The following MKLN1 variants were observed in gnomAD, a reference collection of about 807,000 sequenced individuals.
The protein encoded by MKLN1 is muskelin 1.
MKLN1 carries 18 observed loss-of-function variants against 99.0 expected under a neutral mutation model. The observed-to-expected ratio is 0.18, with a 90% CI of 0.13 to 0.27. MKLN1 has a LOEUF of 0.27. Among genes scored for constraint, MKLN1 ranks in the 10% least tolerant of loss-of-function variants. MKLN1 has a pLI of 1.00. For missense variants in MKLN1, 621 were observed against 875.9 expected (o/e 0.71, Z 3.67); for synonymous variants, 288 against 293.2 (o/e 0.98, Z 0.18).
chr7:131,474,298 T>C (rs1796907052), intron 16 of MKLN1, among the ~76,000 whole-genome samples: 5 of 152,204 alleles, frequency 3.3e-5, no homozygotes, highest in Admixed American at 3.3e-4. Flanking sequence ...ACTGGAAGGA[T>C]GGAGTTACTA....
intron 2 of MKLN1, among the ~76,000 whole-genome samples, chr7:131,183,528 A>C (rs992342074): frequency 2.6e-5 from 4 of 152,122 alleles, no homozygotes; most frequent in African/African-American, 9.7e-5. Context: ...AGATGAGAGA[A>C]TGCAAGTTTT....
In MKLN1 at chr7:131,487,761, A is replaced by G. The variant is rs758089366; in HGVS notation, c.*33A>G. 2 of 1,603,518 alleles carry G rather than the reference A, an allele frequency of 1.2e-6. No individual in the cohort carries two copies. The highest frequency in any genetic ancestry group is 3.4e-5 in the Admixed American group (2 of 58,092). Reference sequence around the variant, plus strand: ...GTCACTGGACACAGAAATGGAAAACAGGAGTCGATTTTCCGTCTTTTGGAT... The same window carrying G: ...GTCACTGGACACAGAAATGGAAAACGGGAGTCGATTTTCCGTCTTTTGGAT... On this transcript the variant is annotated 3_prime_UTR_variant, in exon 18 of 18. Coordinates refer to ENST00000352689, the MANE Select transcript of MKLN1 (RefSeq NM_013255.5). This position sits in a 1 kb window ranked among gnomAD's most constrained non-coding sequence, Gnocchi z 4.7.
At chr7:131,183,354 G>C (rs79157301) in intron 2 of MKLN1, among the ~76,000 whole-genome samples, 1 of 152,070 alleles carries the variant, frequency 6.6e-6, no homozygotes, top group Non-Finnish European at 1.5e-5. Context: ...TCAGCTTGAC[G>C]GGGGTGGGGA....
chr7:131,413,594 C>G (rs1450129638), intron 7 of MKLN1, among the ~76,000 whole-genome samples: 1 of 151,836 alleles, frequency 6.6e-6, no homozygotes, highest in Admixed American at 6.6e-5. Flanking sequence ...AGCCGGAGTG[C>G]AGTGGTGCAA....
chr7:131,291,101 T>TTTTATTTAA (rs1554547694), intron 3 of MKLN1, among the ~76,000 whole-genome samples: 2 of 134,842 alleles, frequency 1.5e-5, no homozygotes, highest in East Asian at 2.2e-4. Flanking sequence ...TCTCATTTTA[T>TTTTATTTAA]TTTATTTATT....
rs561065726 is a variant in MKLN1 at position 131,431,157 on chromosome 7, G to A, written c.960+2012G>A. Among the ~76,000 whole-genome samples the A allele has an allele frequency of 3.2e-3, 487 of 152,066 alleles. 4 individuals are homozygous for A. Among genetic ancestry groups the A allele is most frequent in the African/African-American group, 0.011 (451 of 41,462 alleles). ...GAATCCCTTGAACCCAGGAGGCGGAGGTTGCAGTGAGCCGAGATGGCACCA... is the reference window on the plus strand; with the variant it reads ...GAATCCCTTGAACCCAGGAGGCGGAAGTTGCAGTGAGCCGAGATGGCACCA... On this transcript the variant is annotated intron_variant, in intron 9 of 17. Coordinates refer to ENST00000352689, the MANE Select transcript of MKLN1 (RefSeq NM_013255.5).
At chr7:131,195,655 T>C (rs1796632273) in intron 2 of MKLN1, among the ~76,000 whole-genome samples, 1 of 152,024 alleles carries the variant, frequency 6.6e-6, no homozygotes, top group African/African-American at 2.4e-5. Context: ...TTTGGGAGAC[T>C]GTTAATAGTA....
chr7:131,389,113 A>G, intron 4 of MKLN1, 141 bp downstream of exon 4: 1 of 545,578 alleles, frequency 1.8e-6, no homozygotes, highest in Non-Finnish European at 3.2e-6. Context: ...GTTTGTTTAC[A>G]TATTGTCTGT....
Position 131,179,267 on chromosome 7 carries a change from C to A in MKLN1, c.-296-23590C>A, listed in dbSNP as rs143733427. 9.2e-3 allele frequency among the ~76,000 whole-genome samples: 1,396 copies of A among 152,322 alleles called. 16 individuals are homozygous for A. Among genetic ancestry groups the A allele is most frequent in the Middle Eastern group, 0.024 (7 of 294 alleles). ...ATAGACTGCAACAAATATCTCACTA[C>A]TCCCTTAAGCAGGGCTGGAAATGAG... On this transcript the variant is annotated intron_variant, in intron 2 of 7. Coordinates refer to the MKLN1 transcript ENST00000416992.
intron 2 of MKLN1, among the ~76,000 whole-genome samples, chr7:131,187,581 T>C (rs368706208): frequency 6.6e-6 from 1 of 152,218 alleles, no homozygotes; most frequent in South Asian, 2.1e-4. Flanking sequence ...TGACAGAGAC[T>C]ATACAGCCTG....
At chr7:131,380,721 T>C (rs1387856586) in intron 2 of MKLN1, among the ~76,000 whole-genome samples, 2 of 152,238 alleles carry the variant, frequency 1.3e-5, no homozygotes, top group African/African-American at 4.8e-5. Flanking sequence ...TATTTAGTTT[T>C]GAATAAGGAG....
At position 131,444,741 on chromosome 7, in the gene MKLN1, GT is replaced by G. The variant is rs1795947841; in HGVS notation, c.1396-1032del. ...TTGAGTAGTAGTAGTAGTAGTAGTA[GT>G]AGTAGTAGTAGTAGTAGAAGAAGTA... On this transcript the variant is annotated intron_variant, in intron 11 of 17. Transcript: ENST00000352689. Among the ~76,000 whole-genome samples, 8 of 128,824 alleles carry G rather than the reference GT, an allele frequency of 6.2e-5. No homozygotes were observed. In the East Asian group the frequency reaches 6.9e-4, roughly 11 times the overall value. The allele number at this position is 128,824 out of a possible 152,430, so 84.5% of individuals were successfully genotyped here. A position where few individuals can be genotyped will look rare whatever the true frequency, so the allele number is the denominator to read the frequency against.
chr7:131,470,652 T>G (rs1432975607), intron 15 of MKLN1, among the ~76,000 whole-genome samples, 190 bp from the exon 16 acceptor site: 1 of 152,220 alleles, frequency 6.6e-6, no homozygotes, highest in Non-Finnish European at 1.5e-5. Flanking sequence ...ACCATTACAT[T>G]TCCAAGAACT....
rs763406117 is a variant in MKLN1 at position 131,464,328 on chromosome 7, G to C, written c.1708G>C (p.Asp570His). The change falls in exon 14 of 18, where the codon GAT (aspartate) becomes CAT (histidine). Residue 570 changes from aspartate (D) to histidine (H), a missense_variant. Asp to His is a moderately conservative substitution (Grantham distance 81). This residue lies in a region of MKLN1 where 30 missense variants were observed against 29.3 expected (regional missense o/e 1.02). Transcript: ENST00000352689. ...CTATAAGAATGATCAAGCTGCAAAG[G>C]ATAATCCAACTAAAAGTCTTCAGGA... is the stretch of plus-strand genomic sequence containing the variant. ...CVYKNDQAAK[D>H]NPTKSLQEEE... 1 of 1,613,392 alleles carries C rather than the reference G, an allele frequency of 6.2e-7. No homozygotes were observed. Among genetic ancestry groups the C allele is most frequent in the South Asian group, 1.1e-5 (1 of 91,020 alleles).
At chr7:131,130,822 C>T (rs1795538467) in intron 1 of MKLN1, among the ~76,000 whole-genome samples, 1 of 152,018 alleles carries the variant, frequency 6.6e-6, no homozygotes, top group African/African-American at 2.4e-5. Context: ...TAGACTGAGG[C>T]AAGTGGATTG....
At chr7:131,429,584 A>G (rs1382551278) in intron 9 of MKLN1, among the ~76,000 whole-genome samples, 2 of 152,002 alleles carry the variant, frequency 1.3e-5, no homozygotes, top group African/African-American at 2.4e-5. Context: ...CATAAATGAT[A>G]TATATTATCT....
At chr7:131,115,002 A>G (rs888599479) in intron 1 of MKLN1, among the ~76,000 whole-genome samples, 1 of 152,158 alleles carries the variant, frequency 6.6e-6, no homozygotes, top group African/African-American at 2.4e-5. Flanking sequence ...TAAGGAGGTC[A>G]TTGTTGTGTT....
intron 1 of MKLN1, among the ~76,000 whole-genome samples, chr7:131,113,667 C>CACA (rs1795230121): frequency 1.0e-5 from 1 of 96,504 alleles, no homozygotes; most frequent in African/African-American, 3.6e-5. Context: ...TACAAAAATA[C>CACA]AAAAAAAAAA....
At chr7:131,295,883 CAAAA>C (rs57235729) in intron 3 of MKLN1, among the ~76,000 whole-genome samples, 2 of 103,448 alleles carry the variant, frequency 1.9e-5, no homozygotes. Context: ...ACGTCCTATC[CAAAA>C]AAAAAAAAAA....
Sources: gnomAD v4.1 joint callset for allele counts (sites outside exome capture counted in the v4.1 genomes callset) on GRCh38, gnomAD v4.1.1 for gene constraint, gnomAD v4.1.1 regional missense constraint, Gnocchi (gnomAD v3.1) non-coding constraint, MANE v1.5 for transcripts, NCBI Gene and HGNC (gene_info 2026-07-23, HGNC 2026-07-21) for gene names.